The following ANKRD22 variants were observed in gnomAD, a reference collection of about 807,000 sequenced individuals.
ANKRD22 encodes ankyrin repeat domain 22.
A neutral mutation model predicts 25.7 loss-of-function variants in ANKRD22; 24 were observed. The observed-to-expected ratio is 0.93, with a 90% CI of 0.68 to 1.31. ANKRD22 has a LOEUF of 1.31. ANKRD22 is among the 50% of genes most tolerant of loss of function. ANKRD22 has a pLI of 0.00. For missense variants in ANKRD22, 214 were observed against 227.1 expected (o/e 0.94, Z 0.37); for synonymous variants, 84 against 84.3 (o/e 1.00, Z 0.02).
intron 4 of ANKRD22, among the ~76,000 whole-genome samples, chr10:88,825,024 C>CACACACAT (rs1206330566): frequency 2.0e-5 from 3 of 151,670 alleles, no homozygotes; most frequent in African/African-American, 4.8e-5. Flanking sequence ...CACACACACA[C>CACACACAT]ACACACACAC....
rs774487584 is a variant in ANKRD22, at chr10:88,822,993, G to A, written c.524C>T (p.Ala175Val). Residue 175 changes from alanine to valine, a missense_variant, in exon 6 of 6, where the codon GCA (alanine) becomes GTA (valine). Coordinates refer to ENST00000371930, the MANE Select transcript of ANKRD22 (RefSeq NM_144590.3). ...AATCTGGGAAAATTTTAATCTCCGT[G>A]CAATATCCAGTGAGCTCTCACCATG... ...NKHGESSLDI[A>V]RRLKFSQIEL... 9 of 1,613,378 alleles carry A rather than the reference G, an allele frequency of 5.6e-6. No homozygotes were observed. The highest frequency in any genetic ancestry group is 7.6e-6 in the Non-Finnish European group (9 of 1,179,544).
chr10:88,832,541 C>T (rs2133074186), intron 1 of ANKRD22, among the ~76,000 whole-genome samples: 1 of 151,562 alleles, frequency 6.6e-6, no homozygotes, highest in African/African-American at 2.4e-5. Context: ...GATAAAATGT[C>T]TTTATCTTTA....
At chr10:88,835,807 G>C (rs1263302412) in intron 1 of ANKRD22, among the ~76,000 whole-genome samples, 1 of 152,082 alleles carries the variant, frequency 6.6e-6, no homozygotes, top group Non-Finnish European at 1.5e-5. Context: ...TTCCACTAGG[G>C]GGCAGCGCAG....
chr10:88,842,298 T>G (rs1844009843), intron 1 of ANKRD22, among the ~76,000 whole-genome samples: 1 of 152,102 alleles, frequency 6.6e-6, no homozygotes, highest in Admixed American at 6.6e-5. Flanking sequence ...ATATTATCCC[T>G]CTTTACAGAT....
intron 2 of ANKRD22, 85 bp from the exon 3 acceptor site, chr10:88,828,751 G>T: frequency 9.7e-7 from 1 of 1,030,842 alleles, no homozygotes; most frequent in Non-Finnish European, 1.4e-6. Context: ...AGTTTAGTTT[G>T]TGCTTTTTGT....
At chr10:88,843,793 C>A (rs1467573740) in intron 1 of ANKRD22, among the ~76,000 whole-genome samples, 1 of 152,102 alleles carries the variant, frequency 6.6e-6, no homozygotes, top group Admixed American at 6.6e-5. Flanking sequence ...TTGGAGAAAA[C>A]AAATGTTTTA....
At chr10:88,823,090 ACT>A (rs1485805097) in intron 5 of ANKRD22, 72 bp from the exon 6 acceptor site, 46 of 1,465,252 alleles carry the variant, frequency 3.1e-5, no homozygotes, top group Non-Finnish European at 4.1e-5. Context: ...AGACCAATTG[ACT>A]CTCTGTGTTG....
intron 1 of ANKRD22, among the ~76,000 whole-genome samples, chr10:88,839,500 A>G (rs1310487058): frequency 1.3e-5 from 2 of 152,064 alleles, no homozygotes; most frequent in Admixed American, 1.3e-4. Context: ...AAATTGTGCT[A>G]TCTATTCTTC....
In ANKRD22 at chr10:88,824,464, C is replaced by T. The variant is rs780552888; in HGVS notation, c.400-1086G>A. ...AGTGGTGGCATGACAAATGGAAGTT[C>T]TGGCTCTGAATTTTGTCATGTGAAA... On this transcript the variant is annotated intron_variant, in intron 4 of 5. Transcript: ENST00000371930. Among the ~76,000 whole-genome samples, 5 of 152,310 alleles carry T rather than the reference C, an allele frequency of 3.3e-5. 1 individual carries two copies. Among genetic ancestry groups the T allele is most frequent in the Non-Finnish European group, 2.9e-5 (2 of 68,022 alleles).
At chr10:88,839,265 T>A (rs1264990990) in intron 1 of ANKRD22, among the ~76,000 whole-genome samples, 3 of 152,070 alleles carry the variant, frequency 2.0e-5, no homozygotes, top group Non-Finnish European at 4.4e-5. Context: ...TCTCACATAA[T>A]CTTGTTTTAT....
intron 1 of ANKRD22, among the ~76,000 whole-genome samples, chr10:88,838,104 T>C (rs987015283): frequency 1.3e-5 from 2 of 152,222 alleles, no homozygotes; most frequent in African/African-American, 2.4e-5. Flanking sequence ...CTTTTGAGCA[T>C]GATGGGGAAG....
intron 5 of ANKRD22, 104 bp from the exon 6 acceptor site, chr10:88,823,122 A>G (rs1034873241): frequency 2.0e-5 from 25 of 1,280,000 alleles, no homozygotes; most frequent in Non-Finnish European, 2.7e-5. Flanking sequence ...TTAAAAGGCA[A>G]TCAGTCCTAA....
intron 1 of ANKRD22, among the ~76,000 whole-genome samples, chr10:88,850,691 C>T (rs1160721093): frequency 6.6e-6 from 1 of 151,996 alleles, no homozygotes; most frequent in South Asian, 2.1e-4. Context: ...GTATATGATC[C>T]CTTCATGAGG....
At chr10:88,825,994 C>A in intron 4 of ANKRD22, 44 bp downstream of exon 4, 3 of 1,492,252 alleles carry the variant, frequency 2.0e-6, no homozygotes, top group Non-Finnish European at 2.8e-6. Flanking sequence ...CCTACAAATA[C>A]CATTTTGAAT....
chr10:88,828,226 TA>T (rs1843872638), intron 3 of ANKRD22, among the ~76,000 whole-genome samples: 1 of 152,114 alleles, frequency 6.6e-6, no homozygotes, highest in East Asian at 1.9e-4. Context: ...ACTCCTCTTT[TA>T]AAAAAAGGAG....
Position 88,831,066 on chromosome 10 carries a change from G to T in ANKRD22, c.213+769C>A, listed in dbSNP as rs553874767. ...CAAATGACTTAGAAGGGGCAAGGGGGGATTTCCAGTGTTTTCTCGCCTTGA... is the reference window on the plus strand; with the variant it reads ...CAAATGACTTAGAAGGGGCAAGGGGTGATTTCCAGTGTTTTCTCGCCTTGA... On this transcript the variant is annotated intron_variant, in intron 2 of 5. Transcript: ENST00000371930. 6.6e-5 allele frequency among the ~76,000 whole-genome samples: 10 copies of T among 152,294 alleles called. No individual in the cohort carries two copies. In the South Asian group the frequency reaches 2.1e-3, roughly 32 times the overall value.
intron 1 of ANKRD22, among the ~76,000 whole-genome samples, chr10:88,836,605 A>G (rs1009378501): frequency 2.0e-5 from 3 of 152,212 alleles, no homozygotes; most frequent in Non-Finnish European, 4.4e-5. Context: ...AGTCTTAAAA[A>G]TCAGCCTTCA....
chr10:88,851,535 C>A, intron 1 of ANKRD22, 52 bp downstream of exon 1: 1 of 1,599,762 alleles, frequency 6.3e-7, no homozygotes, highest in Non-Finnish European at 8.6e-7. Context: ...ATCTGAAAAG[C>A]ATGAGTAACT....
In ANKRD22 at chr10:88,826,031, A is replaced by C; in HGVS notation, c.399+7T>G. 1 of 1,604,654 alleles carries C rather than the reference A, an allele frequency of 6.2e-7. No homozygotes were observed. The highest frequency in any genetic ancestry group is 2.2e-5 in the East Asian group (1 of 44,814). ...TTTTTTCAAAATGGCTAAAAGTATA[A>C]ACTTACACAATCTGTAGCATTAACT... On this transcript the variant is annotated splice_region_variant and intron_variant, in intron 4 of 5. Transcript: ENST00000371930.
Sources: gnomAD v4.1 joint callset for allele counts (sites outside exome capture counted in the v4.1 genomes callset) on GRCh38, gnomAD v4.1.1 for gene constraint, MANE v1.5 for transcripts, NCBI Gene and HGNC (gene_info 2026-07-23, HGNC 2026-07-21) for gene names.